The following CCNB1IP1 variants were observed in gnomAD, a reference collection of about 807,000 sequenced individuals.
CCNB1IP1 encodes the protein cyclin B1 interacting protein 1.
In CCNB1IP1, 14 loss-of-function variants were observed where a neutral mutation model predicts 25.6. The ratio of observed to expected loss-of-function variants is 0.55; its 90% CI spans 0.36 to 0.85. The LOEUF is 0.85. Among genes scored for constraint, CCNB1IP1 ranks in the 40% least tolerant of loss-of-function variants. The probability of loss-of-function intolerance (pLI) is 0.01; values close to 1 mark genes in which losing one functional copy is unlikely to be tolerated. For missense variants in CCNB1IP1, 278 were observed against 342.4 expected (o/e 0.81, Z 1.48); for synonymous variants, 119 against 116.1 (o/e 1.02, Z -0.16).
chr14:20,324,798 T>C (rs778204952), intron 4 of CCNB1IP1, among the ~76,000 whole-genome samples: 133 of 152,200 alleles, frequency 8.7e-4, no homozygotes, highest in South Asian at 2.9e-3. Flanking sequence ...ATATATACTA[T>C]ACAATGCTAC....
At position 20,311,552 on chromosome 14, in the gene CCNB1IP1, A is replaced by G; in HGVS notation, c.832T>C (p.Ter278ArgextTer9). ...AGGTGCGTGACACTATGCGTGGCTC[A>G]AATTCTTTTTACTTTGAAGGCCCTG... Reference protein sequence around the residue: ...SSRAFKVKRI* With the variant: ...SSRAFKVKRIR Residue 278 changes from the stop codon to arginine (R), a stop_lost, in exon 7 of 7, where the codon TGA becomes CGA. Transcript: ENST00000358932. 2 of 1,612,652 alleles carry G rather than the reference A, an allele frequency of 1.2e-6. No individual in the cohort carries two copies. The highest frequency in any genetic ancestry group is 1.1e-5 in the South Asian group (1 of 91,038).
chr14:20,321,773 G>T (rs1401462756), intron 4 of CCNB1IP1, among the ~76,000 whole-genome samples: 1 of 152,124 alleles, frequency 6.6e-6, no homozygotes, highest in Non-Finnish European at 1.5e-5. Flanking sequence ...TTCATATTCT[G>T]GCCAACACAA....
chr14:20,315,015 C>A lies in CCNB1IP1; in HGVS notation c.297+1212G>T, dbSNP rs1190517644. On this transcript the variant is annotated intron_variant, in intron 5 of 6. Transcript: ENST00000358932. ...CTGAGGCAGGAGAATGGCGTGAACC[C>A]GGGAGGCAGAGCTTGCAGTGAGCTG... Among the ~76,000 whole-genome samples the A allele has an allele frequency of 7.6e-5, 11 of 144,694 alleles. No homozygotes were observed. In the Admixed American group the frequency reaches 7.8e-4, roughly 10 times the overall value. 94.9% of individuals were successfully genotyped at this position (144,694 alleles called of 152,430 possible).
intron 1 of CCNB1IP1, among the ~76,000 whole-genome samples, chr14:20,332,010 A>ATATATATATGATGTG (rs1555314518): frequency 1.1e-4 from 8 of 71,950 alleles, no homozygotes; most frequent in African/African-American, 5.1e-4. Flanking sequence ...GTATACATAT[A>ATATATATATGATGTG]TATATATATA....
chr14:20,318,209 C>A (rs180819619), intron 4 of CCNB1IP1: 1 of 152,438 alleles, frequency 6.6e-6, no homozygotes, highest in East Asian at 1.9e-4. Flanking sequence ...CGCGGTGGCT[C>A]ACGCCTGTAA....
intron 2 of CCNB1IP1, among the ~76,000 whole-genome samples, chr14:20,327,969 A>ATAG (rs1566405896): frequency 2.0e-5 from 3 of 151,998 alleles, no homozygotes. Flanking sequence ...TTCATTACTC[A>ATAG]ATAGCTAAAT....
intron 6 of CCNB1IP1, 66 bp from the exon 7 acceptor site, chr14:20,311,818 G>GAAT (rs1882495726): frequency 3.0e-6 from 3 of 998,386 alleles, no homozygotes; most frequent in Non-Finnish European, 4.6e-6. Context: ...TACTTCAGAG[G>GAAT]AATCATCAAA....
intron 1 of CCNB1IP1, among the ~76,000 whole-genome samples, chr14:20,329,919 T>A (rs1203319728): frequency 1.3e-5 from 2 of 152,114 alleles, no homozygotes; most frequent in Non-Finnish European, 2.9e-5. Flanking sequence ...CTCTGTAAAA[T>A]GAGGACAAAT....
intron 4 of CCNB1IP1, among the ~76,000 whole-genome samples, chr14:20,325,287 G>A (rs1156326604): frequency 6.6e-6 from 1 of 151,322 alleles, no homozygotes; most frequent in Admixed American, 6.6e-5. Context: ...CGGGCGTAGT[G>A]GCGGGCAACT....
At chr14:20,315,738 TATAGA>T in intron 5 of CCNB1IP1, 3 of 1,214,662 alleles carry the variant, frequency 2.5e-6, no homozygotes, top group Non-Finnish European at 3.2e-6. Flanking sequence ...AAAATATGAT[TATAGA>T]ATAGTTAACT....
intron 4 of CCNB1IP1, chr14:20,317,945 G>A (rs905495586): frequency 5.3e-5 from 8 of 152,256 alleles, no homozygotes; most frequent in African/African-American, 1.9e-4. Flanking sequence ...GGACCTGCCA[G>A]GCTGAGGGAG....
chr14:20,313,398 G>A lies in CCNB1IP1; in HGVS notation c.631+70C>T, dbSNP rs148246652. ...TCCTTATCGTCTCGACTGAATGCTT[G>A]GAAGTGGGCAGAGCAGTATAAAAAA... is the stretch of plus-strand genomic sequence containing the variant. On this transcript the variant is annotated intron_variant, in intron 6 of 6. Coordinates refer to ENST00000358932, the MANE Select transcript of CCNB1IP1 (RefSeq NM_021178.5). The A allele has an allele frequency of 5.5e-4, 669 of 1,226,664 alleles. 5 individuals are homozygous for A. The African/African-American group carries it at 9.4e-3, about 17-fold the overall frequency. 76.0% of individuals were successfully genotyped at this position (1,226,664 alleles called of 1,614,324 possible). A position where few individuals can be genotyped will look rare whatever the true frequency, so the allele number is the denominator to read the frequency against.
intron 3 of CCNB1IP1, chr14:20,326,329 C>T (rs1327221091): frequency 2.8e-6 from 1 of 355,478 alleles, no homozygotes; most frequent in South Asian, 2.2e-5. Context: ...CAAAGCACAA[C>T]AAAACATTAG....
chr14:20,313,222 G>A (rs978662962), intron 6 of CCNB1IP1, among the ~76,000 whole-genome samples: 5 of 152,290 alleles, frequency 3.3e-5, no homozygotes, highest in African/African-American at 1.2e-4. Context: ...ACTTAATGTA[G>A]CAATGTGCAA....
intron 6 of CCNB1IP1, 51 bp downstream of exon 6, chr14:20,313,417 T>TA (rs772205328): frequency 4.1e-5 from 58 of 1,411,720 alleles, no homozygotes; most frequent in Non-Finnish European, 5.2e-5. Context: ...CAGAGCAGTA[T>TA]AAAAAATCAT....
At chr14:20,312,799 A>G (rs1218071232) in intron 6 of CCNB1IP1, among the ~76,000 whole-genome samples, 1 of 151,842 alleles carries the variant, frequency 6.6e-6, no homozygotes, top group Non-Finnish European at 1.5e-5. Context: ...CCCTATTTGG[A>G]TAACCTTTAT....
intron 1 of CCNB1IP1, among the ~76,000 whole-genome samples, chr14:20,331,727 AT>A (rs1201660985): frequency 6.6e-6 from 1 of 151,922 alleles, no homozygotes; most frequent in African/African-American, 2.4e-5. Flanking sequence ...AAAAAAAATA[AT>A]TTTTAAAGAA....
chr14:20,322,059 A>G (rs1196371841), intron 4 of CCNB1IP1, among the ~76,000 whole-genome samples: 1 of 152,260 alleles, frequency 6.6e-6, no homozygotes, highest in Non-Finnish European at 1.5e-5. Context: ...ATCAAGTAAG[A>G]TTGTAAATAA....
At chr14:20,326,606 AT>A (rs3831250) in intron 3 of CCNB1IP1, 109 bp downstream of exon 3, 30,828 of 452,294 alleles carry the variant, frequency 0.068, 1,954 homozygotes, top group African/African-American at 0.19. Flanking sequence ...AGAACTGGGG[AT>A]TTTTTTTAAT....
Sources: gnomAD v4.1 joint callset for allele counts (sites outside exome capture counted in the v4.1 genomes callset) on GRCh38, gnomAD v4.1.1 for gene constraint, MANE v1.5 for transcripts, NCBI Gene and HGNC (gene_info 2026-07-23, HGNC 2026-07-21) for gene names.